Variants in PEX3 observed in about 807,000 individuals in gnomAD.
PEX3 encodes peroxisomal biogenesis factor 3.
In PEX3, 30 loss-of-function variants were observed where a neutral mutation model predicts 55.8. The observed-to-expected ratio is 0.54, with a 90% CI of 0.40 to 0.73. The LOEUF (loss-of-function observed/expected upper bound fraction) is 0.73. PEX3 is among the 30% of genes least tolerant of loss of function. The pLI, the probability that PEX3 is intolerant of heterozygous loss-of-function variation, is 0.00. For synonymous variants in PEX3, 135 were observed against 148.4 expected, an observed-to-expected ratio of 0.91 and a Z score of 0.66; for missense variants, 351 against 432.8, an observed-to-expected ratio of 0.81 and a Z score of 1.68.
Position 143,458,142 on chromosome 6 carries a change from G to C in PEX3, c.74-943G>C, listed in dbSNP as rs1366335668. On this transcript the variant is annotated intron_variant, in intron 1 of 11. Coordinates refer to ENST00000367591, the MANE Select transcript of PEX3 (RefSeq NM_003630.3). This position sits in a 1 kb window ranked among gnomAD's most constrained non-coding sequence, Gnocchi z 6.1. The stretch of plus-strand genomic sequence containing the variant: ...GCTTAAGCTTTGGAATGTGGCTTTT[G>C]ATCAAGTGTGGCTAACTAACCACTC... Among the ~76,000 whole-genome samples, 1 of 152,164 alleles carries C rather than the reference G, an allele frequency of 6.6e-6. No individual in the cohort carries two copies. Among genetic ancestry groups the C allele is most frequent in the Non-Finnish European group, 1.5e-5 (1 of 68,020 alleles).
rs753697241 is a variant in PEX3 at position 143,451,104 on chromosome 6, C to T, written c.62C>T (p.Thr21Met). The change falls in exon 1 of 12, where the codon ACG becomes ATG. Residue 21 changes from threonine (T) to methionine (M), a missense_variant. Physicochemically the swap from Thr to Met is moderately conservative, Grantham distance 81. Transcript: ENST00000367591. This position sits in a 1 kb window ranked among gnomAD's most constrained non-coding sequence, Gnocchi z 4.1. Reference sequence around the variant, plus strand: ...AAAAAGAAATGCATCTTCCTGGGCACGGTCCTTGGAGGTGGGTGACAACGT... The same window carrying T: ...AAAAAGAAATGCATCTTCCTGGGCATGGTCCTTGGAGGTGGGTGACAACGT... ...RHKKKCIFLG[T>M]VLGGVYILGK... 1 of 1,611,716 alleles carries T rather than the reference C, an allele frequency of 6.2e-7. No individual in the cohort carries two copies. The highest frequency in any genetic ancestry group is 2.2e-5 in the East Asian group (1 of 44,862).
At chr6:143,455,841 A>G (rs912621253) in intron 1 of PEX3, among the ~76,000 whole-genome samples, 3 of 152,198 alleles carry the variant, frequency 2.0e-5, no homozygotes, top group Admixed American at 2.0e-4. Context: ...CTGAAATAGA[A>G]TCAGAATACT....
Position 143,471,140 on chromosome 6 carries a change from T to G in PEX3, c.456+55T>G. 2.1e-6 allele frequency: 3 copies of G among 1,446,382 alleles called. No homozygotes were observed. Among genetic ancestry groups the G allele is most frequent in the Non-Finnish European group, 2.9e-6 (3 of 1,028,436 alleles). The allele number at this position is 1,446,382 out of a possible 1,614,324, so 89.6% of individuals were successfully genotyped here. On this transcript the variant is annotated intron_variant, in intron 5 of 11. Transcript: ENST00000367591. The surrounding 1 kb of genome is among the most constrained non-coding windows in gnomAD (Gnocchi z 5.4). ...TTCTTTCCCTCAGGAGGTTCAAAGTTTAACTTATTTATCCTGATAACAATT... is the reference window on the plus strand; with the variant it reads ...TTCTTTCCCTCAGGAGGTTCAAAGTGTAACTTATTTATCCTGATAACAATT...
chr6:143,459,169 G>T lies in PEX3; in HGVS notation c.158G>T (p.Arg53Leu), dbSNP rs747114817. Reference sequence around the variant, plus strand: ...GCTGCAGAATACATTGCCCAAGCACGACGACAATATCATTTTGAAAGTAAC... The same window carrying T: ...GCTGCAGAATACATTGCCCAAGCACTACGACAATATCATTTTGAAAGTAAC... ...REAAEYIAQA[R>L]RQYHFESNQR... Residue 53 changes from arginine (R) to leucine (L), a missense_variant, in exon 2 of 12, where the codon CGA (arginine) becomes CTA (leucine). Coordinates refer to ENST00000367591, the MANE Select transcript of PEX3 (RefSeq NM_003630.3). This position sits in a 1 kb window ranked among gnomAD's most constrained non-coding sequence, Gnocchi z 4.2. 6.8e-6 allele frequency: 11 copies of T among 1,612,362 alleles called. No homozygotes were observed. The highest frequency in any genetic ancestry group is 8.5e-6 in the Non-Finnish European group (10 of 1,178,512).
At chr6:143,468,632 C>T (rs920652668) in intron 4 of PEX3, among the ~76,000 whole-genome samples, 9 of 151,950 alleles carry the variant, frequency 5.9e-5, no homozygotes, top group Non-Finnish European at 1.3e-4. Context: ...TAAGCCTTGC[C>T]TATTTGTTTT....
rs150841396 is a variant in PEX3 at position 143,459,155 on chromosome 6, C to T, written c.144C>T (p.Tyr48=). The change falls in exon 2 of 12, where the codon TAC becomes TAT. Residue 48 remains tyrosine (Y), a synonymous_variant. Coordinates refer to ENST00000367591, the MANE Select transcript of PEX3 (RefSeq NM_003630.3). This position sits in a 1 kb window ranked among gnomAD's most constrained non-coding sequence, Gnocchi z 4.2. Reference sequence around the variant, plus strand: ...TACAGGAAAGGGAGGCTGCAGAATACATTGCCCAAGCACGACGACAATATC... The same window carrying T: ...TACAGGAAAGGGAGGCTGCAGAATATATTGCCCAAGCACGACGACAATATC... ...REIQEREAAE[Y]IAQARRQYHF... 3.1e-6 allele frequency: 5 copies of T among 1,610,420 alleles called. No individual in the cohort carries two copies. Among genetic ancestry groups the T allele is most frequent in the Non-Finnish European group, 4.2e-6 (5 of 1,176,878 alleles).
rs1335951803 is a variant in PEX3 at position 143,451,186 on chromosome 6, G to A, written c.73+71G>A. 8 of 1,075,734 alleles carry A rather than the reference G, an allele frequency of 7.4e-6. No individual in the cohort carries two copies. The East Asian group carries it at 1.9e-4, about 25-fold the overall frequency. 66.6% of individuals were successfully genotyped at this position (1,075,734 alleles called of 1,614,324 possible). On this transcript the variant is annotated intron_variant, in intron 1 of 11. Transcript: ENST00000367591. The surrounding 1 kb of genome is among the most constrained non-coding windows in gnomAD (Gnocchi z 4.1). ...GGAGAGGTGACTTCTTCTAAAATAA[G>A]GACAGGCCGGGCGATCCTAGTCTGG... is the stretch of plus-strand genomic sequence containing the variant.
Position 143,454,663 on chromosome 6 carries a change from A to T in PEX3, c.73+3548A>T, listed in dbSNP as rs375863371. Reference sequence around the variant, plus strand: ...AATAAAAGTAGTATGATAGTATAGTACAAAAATAGAGCAGGGTGTTGTGGG... The same window carrying T: ...AATAAAAGTAGTATGATAGTATAGTTCAAAAATAGAGCAGGGTGTTGTGGG... On this transcript the variant is annotated intron_variant, in intron 1 of 11. Coordinates refer to ENST00000367591, the MANE Select transcript of PEX3 (RefSeq NM_003630.3). This position sits in a 1 kb window ranked among gnomAD's most constrained non-coding sequence, Gnocchi z 4.3. 7.9e-5 allele frequency among the ~76,000 whole-genome samples: 12 copies of T among 152,372 alleles called. No individual in the cohort carries two copies. The South Asian group carries it at 2.3e-3, about 29-fold the overall frequency.
In PEX3 at chr6:143,489,447, T is replaced by C. The variant is rs558770232; in HGVS notation, c.*221T>C. On this transcript the variant is annotated 3_prime_UTR_variant, in exon 12 of 12. Coordinates refer to ENST00000367591, the MANE Select transcript of PEX3 (RefSeq NM_003630.3). This position sits in a 1 kb window ranked among gnomAD's most constrained non-coding sequence, Gnocchi z 5.5. The stretch of plus-strand genomic sequence containing the variant: ...TTTTGTGGGCATATATATATACACG[T>C]GCAAATATCAGAATTGTTAATAATT... 62 of 372,624 alleles carry C rather than the reference T, an allele frequency of 1.7e-4. 1 individual carries two copies. The highest frequency in any genetic ancestry group is 1.2e-3 in the African/African-American group (60 of 48,094). 23.1% of individuals were successfully genotyped at this position (372,624 alleles called of 1,614,324 possible). A position where few individuals can be genotyped will look rare whatever the true frequency, so the allele number is the denominator to read the frequency against.
At position 143,453,496 on chromosome 6, in the gene PEX3, GTGTTTTTT is replaced by G. The variant is rs111781820; in HGVS notation, c.73+2397_73+2404del. 5.3e-5 allele frequency among the ~76,000 whole-genome samples: 8 copies of G among 152,138 alleles called. No homozygotes were observed. Among genetic ancestry groups the G allele is most frequent in the African/African-American group, 1.9e-4 (8 of 41,532 alleles). ...GGGGGTTTGGGTGTGTTCGGGTTTT[GTGTTTTTT>G]TGTTTTTTTGTTTTTCAGACAGGAT... On this transcript the variant is annotated intron_variant, in intron 1 of 11. Coordinates refer to ENST00000367591, the MANE Select transcript of PEX3 (RefSeq NM_003630.3). This position sits in a 1 kb window ranked among gnomAD's most constrained non-coding sequence, Gnocchi z 4.6.
chr6:143,460,500 C>G (rs223231), intron 2 of PEX3, among the ~76,000 whole-genome samples: 134,276 of 152,246 alleles, frequency 0.88, 59,606 homozygotes, highest in African/African-American at 0.97. Flanking sequence ...CAATATATTG[C>G]CACTGCCTAG....
In PEX3 at chr6:143,483,482, A is replaced by G. The variant is rs1253987736; in HGVS notation, c.942-1670A>G. ...ATTCTGGGCAGAAGCTACAGGGCAA[A>G]GGTTTTGAAGCCACCTAAGTACATT... On this transcript the variant is annotated intron_variant, in intron 10 of 11. Coordinates refer to ENST00000367591, the MANE Select transcript of PEX3 (RefSeq NM_003630.3). This position sits in a 1 kb window ranked among gnomAD's most constrained non-coding sequence, Gnocchi z 4.3. Among the ~76,000 whole-genome samples, 1 of 152,160 alleles carries G rather than the reference A, an allele frequency of 6.6e-6. No homozygotes were observed. Among genetic ancestry groups the G allele is most frequent in the Non-Finnish European group, 1.5e-5 (1 of 68,014 alleles).
At position 143,482,872 on chromosome 6, in the gene PEX3, G is replaced by A. The variant is rs1422889280; in HGVS notation, c.942-2280G>A. Reference sequence around the variant, plus strand: ...ACAGGTGACTATGTGACCTCAAGATGGAGAAGGTATTTCTAAGAATGAAAG... The same window carrying A: ...ACAGGTGACTATGTGACCTCAAGATAGAGAAGGTATTTCTAAGAATGAAAG... On this transcript the variant is annotated intron_variant, in intron 10 of 11. Coordinates refer to ENST00000367591, the MANE Select transcript of PEX3 (RefSeq NM_003630.3). This position sits in a 1 kb window ranked among gnomAD's most constrained non-coding sequence, Gnocchi z 5.5. Among the ~76,000 whole-genome samples, 2 of 151,970 alleles carry A rather than the reference G, an allele frequency of 1.3e-5. No homozygotes were observed. Among genetic ancestry groups the A allele is most frequent in the African/African-American group, 4.8e-5 (2 of 41,404 alleles).
Position 143,489,386 on chromosome 6 carries a change from CTT to C in PEX3, c.*161_*162del. 1.7e-6 allele frequency: 1 copy of C among 580,368 alleles called. No homozygotes were observed. Among genetic ancestry groups the C allele is most frequent in the Admixed American group, 2.9e-5 (1 of 34,424 alleles). 36.0% of individuals were successfully genotyped at this position (580,368 alleles called of 1,614,324 possible). On this transcript the variant is annotated 3_prime_UTR_variant, in exon 12 of 12. Coordinates refer to ENST00000367591, the MANE Select transcript of PEX3 (RefSeq NM_003630.3). The surrounding 1 kb of genome is among the most constrained non-coding windows in gnomAD (Gnocchi z 5.5). ...ATAATGAAATCAATTTATTTGGCAT[CTT>C]AATATATTTTTTTAGATTCATCAAC...
At chr6:143,473,283 A>T (rs1780100052) in intron 8 of PEX3, among the ~76,000 whole-genome samples, 1 of 152,196 alleles carries the variant, frequency 6.6e-6, no homozygotes, top group East Asian at 1.9e-4. Flanking sequence ...GAAACCCTGT[A>T]ACTTGAAAGA....
In PEX3 at chr6:143,468,175, C is replaced by A; in HGVS notation, c.331+10C>A. ...GATCTGAAGATAATAAGTAAGCCTG[C>A]ATATTCTGTGTGACAGCACATCCTT... On this transcript the variant is annotated intron_variant, in intron 4 of 11. Transcript: ENST00000367591. 1 of 1,572,976 alleles carries A rather than the reference C, an allele frequency of 6.4e-7. No individual in the cohort carries two copies. The highest frequency in any genetic ancestry group is 2.2e-5 in the East Asian group (1 of 44,504).
At position 143,488,828 on chromosome 6, in the gene PEX3, C is replaced by T. The variant is rs1780350756; in HGVS notation, c.1039-315C>T. On this transcript the variant is annotated intron_variant, in intron 11 of 11. Coordinates refer to ENST00000367591, the MANE Select transcript of PEX3 (RefSeq NM_003630.3). The surrounding 1 kb of genome is among the most constrained non-coding windows in gnomAD (Gnocchi z 4.9). ...TCAGCTTCCAGCAAAAGTACCTTTA[C>T]TCCTACAATTATTTATTCAACAGAT... Among the ~76,000 whole-genome samples the T allele has an allele frequency of 6.6e-6, 1 of 152,070 alleles. No individual in the cohort carries two copies. Among genetic ancestry groups the T allele is most frequent in the Non-Finnish European group, 1.5e-5 (1 of 67,966 alleles).
rs1047475133 is a variant in PEX3, at chr6:143,476,010, T to C, written c.818+1154T>C. ...GAGAAAAATAATCAACTAATAAATT[T>C]GATGTAATGTCAAGTATGTATAACT... On this transcript the variant is annotated intron_variant, in intron 9 of 11. Transcript: ENST00000367591. The surrounding 1 kb of genome is among the most constrained non-coding windows in gnomAD (Gnocchi z 5.4). Among the ~76,000 whole-genome samples the C allele has an allele frequency of 1.3e-5, 2 of 152,196 alleles. No individual in the cohort carries two copies. Among genetic ancestry groups the C allele is most frequent in the African/African-American group, 2.4e-5 (1 of 41,452 alleles).
At position 143,459,282 on chromosome 6, in the gene PEX3, C is replaced by T. The variant is rs943450315; in HGVS notation, c.205+66C>T. Reference sequence around the variant, plus strand: ...ACGGTTGTATTAATTTGCATATCACCGGGATCAAATTTAGAGGAAAAGGCA... The same window carrying T: ...ACGGTTGTATTAATTTGCATATCACTGGGATCAAATTTAGAGGAAAAGGCA... On this transcript the variant is annotated intron_variant, in intron 2 of 11. Transcript: ENST00000367591. This position sits in a 1 kb window ranked among gnomAD's most constrained non-coding sequence, Gnocchi z 4.2. 31 of 1,386,948 alleles carry T rather than the reference C, an allele frequency of 2.2e-5. No individual in the cohort carries two copies. Among genetic ancestry groups the T allele is most frequent in the Admixed American group, 1.7e-4 (10 of 59,310 alleles). The allele number at this position is 1,386,948 out of a possible 1,614,324, so 85.9% of individuals were successfully genotyped here.
Sources: allele counts gnomAD v4.1 joint callset (sites outside exome capture counted in the v4.1 genomes callset), GRCh38; gene constraint gnomAD v4.1.1; non-coding constraint Gnocchi (gnomAD v3.1); transcripts MANE v1.5; gene names NCBI Gene and HGNC (gene_info 2026-07-23, HGNC 2026-07-21).